Variants in NEGR1 observed in about 807,000 individuals in gnomAD.
The protein encoded by NEGR1 is neuronal growth regulator 1.
NEGR1 carries 10 observed loss-of-function variants against 40.9 expected under a neutral mutation model. The observed-to-expected ratio is 0.24, with a 90% confidence interval of 0.15 to 0.42. NEGR1 has a LOEUF of 0.42. Among genes scored for constraint, NEGR1 ranks in the 10% least tolerant of loss-of-function variants. The pLI, the probability that NEGR1 is intolerant of heterozygous loss-of-function variation, is 1.00. For missense variants in NEGR1, 352 were observed against 438.9 expected, an observed-to-expected ratio of 0.80 and a Z score of 1.77; for synonymous variants, 185 against 166.8, an observed-to-expected ratio of 1.11 and a Z score of -0.84.
chr1:71,494,221 C>G (rs539825863), intron 6 of NEGR1, among the ~76,000 whole-genome samples: 2 of 152,284 alleles, frequency 1.3e-5, no homozygotes, highest in Non-Finnish European at 2.9e-5. Flanking sequence ...CATGCTATAT[C>G]ACCTCTAATC....
At chr1:71,576,539 A>G (rs1234469602) in intron 6 of NEGR1, among the ~76,000 whole-genome samples, 1 of 152,174 alleles carries the variant, frequency 6.6e-6, no homozygotes, top group Non-Finnish European at 1.5e-5. Context: ...TTCTATATGG[A>G]CAAGGAAGGG....
chr1:72,027,603 C>A (rs1173823345), intron 1 of NEGR1, among the ~76,000 whole-genome samples: 14 of 152,046 alleles, frequency 9.2e-5, no homozygotes, highest in Non-Finnish European at 1.9e-4. Context: ...TAATTTGCAA[C>A]TTTTTATTAG....
At chr1:71,696,454 G>A (rs1014576242) in intron 4 of NEGR1, among the ~76,000 whole-genome samples, 4 of 151,592 alleles carry the variant, frequency 2.6e-5, no homozygotes, top group African/African-American at 9.7e-5. Flanking sequence ...GCTGGGCTGG[G>A]TGCCTTGTTT....
chr1:72,112,996 G>C (rs1024701206), intron 1 of NEGR1, among the ~76,000 whole-genome samples: 5 of 151,542 alleles, frequency 3.3e-5, no homozygotes, highest in African/African-American at 1.2e-4. Context: ...TTTTTGGCAA[G>C]AAGTCTCCGA....
intron 6 of NEGR1, among the ~76,000 whole-genome samples, chr1:71,427,522 A>G (rs866822857): frequency 7.8e-4 from 119 of 152,306 alleles, no homozygotes; most frequent in African/African-American, 2.8e-3. Flanking sequence ...TACTCTTTCT[A>G]TGAAGAGTTA....
intron 3 of NEGR1, among the ~76,000 whole-genome samples, chr1:71,773,285 C>T (rs1013040356): frequency 4.6e-5 from 7 of 152,204 alleles, no homozygotes; most frequent in Non-Finnish European, 1.0e-4. Context: ...CAGACACATA[C>T]AAAAACTAGC....
At chr1:72,051,697 C>T (rs987052231) in intron 1 of NEGR1, among the ~76,000 whole-genome samples, 1 of 151,312 alleles carries the variant, frequency 6.6e-6, no homozygotes, top group Non-Finnish European at 1.5e-5. Flanking sequence ...CATAGTTTTG[C>T]TGCTTTGGTG....
chr1:71,491,071 TG>T (rs989796045), intron 6 of NEGR1, among the ~76,000 whole-genome samples: 44 of 152,058 alleles, frequency 2.9e-4, no homozygotes, highest in African/African-American at 1.1e-3. Context: ...TTCATATTCT[TG>T]GGTTCTGAGT....
At chr1:72,140,119 T>G (rs1486937488) in intron 1 of NEGR1, among the ~76,000 whole-genome samples, 1 of 152,052 alleles carries the variant, frequency 6.6e-6, no homozygotes, top group Non-Finnish European at 1.5e-5. Flanking sequence ...ACAGAGAAAC[T>G]GGTTGAAGAG....
At chr1:71,466,390 C>T (rs1361297013) in intron 6 of NEGR1, among the ~76,000 whole-genome samples, 2 of 152,040 alleles carry the variant, frequency 1.3e-5, no homozygotes, top group Non-Finnish European at 2.9e-5. Context: ...ATTTACTTAA[C>T]AAAACACTCC....
At chr1:71,902,689 A>G (rs1448194511) in intron 2 of NEGR1, among the ~76,000 whole-genome samples, 1 of 152,104 alleles carries the variant, frequency 6.6e-6, no homozygotes, top group East Asian at 1.9e-4. Flanking sequence ...TTTCCTTTTC[A>G]TGCTCTAATT....
chr1:72,199,866 G>A (rs1653141378), intron 1 of NEGR1, among the ~76,000 whole-genome samples: 1 of 151,804 alleles, frequency 6.6e-6, no homozygotes, highest in African/African-American at 2.4e-5. Flanking sequence ...AATGGGCAAA[G>A]GACATGAACA....
rs944966546 is a variant in NEGR1 at position 72,091,150 on chromosome 1, G to A, written c.177-155839C>T. Among the ~76,000 whole-genome samples the A allele has an allele frequency of 8.5e-5, 13 of 152,190 alleles. No homozygotes were observed. In the South Asian group the frequency reaches 2.3e-3, roughly 27 times the overall value. ...TTAGACTCATTTTACTAGGGACTGG[G>A]GATGAGCATGAAGCTACTGCCTGTC... On this transcript the variant is annotated intron_variant, in intron 1 of 6. Transcript: ENST00000357731.
At chr1:71,802,619 A>G (rs960313816) in intron 2 of NEGR1, among the ~76,000 whole-genome samples, 1 of 152,160 alleles carries the variant, frequency 6.6e-6, no homozygotes, top group Non-Finnish European at 1.5e-5. Context: ...TATGGAAGGG[A>G]TGCTGCTGCC....
At chr1:71,990,913 TA>T (rs1160252921) in intron 1 of NEGR1, among the ~76,000 whole-genome samples, 274 of 119,552 alleles carry the variant, frequency 2.3e-3, no homozygotes, top group African/African-American at 7.8e-3. Context: ...CATATATATA[TA>T]TATATTTTTT....
chr1:71,680,253 A>G (rs1652793115), intron 4 of NEGR1, among the ~76,000 whole-genome samples: 1 of 152,060 alleles, frequency 6.6e-6, no homozygotes, highest in Non-Finnish European at 1.5e-5. Flanking sequence ...GCTTTAAATC[A>G]TATTTTTGGA....
intron 3 of NEGR1, among the ~76,000 whole-genome samples, chr1:71,732,522 G>A (rs1347770743): frequency 7.1e-6 from 1 of 141,280 alleles, no homozygotes; most frequent in African/African-American, 3.1e-5. Flanking sequence ...GTGTGTGTGC[G>A]CGCGCGCGCC....
intron 1 of NEGR1, among the ~76,000 whole-genome samples, chr1:72,141,540 G>C (rs530930529): frequency 6.6e-6 from 1 of 152,046 alleles, no homozygotes; most frequent in African/African-American, 2.4e-5. Flanking sequence ...TCAAATGGGA[G>C]CACCACTCAA....
chr1:71,878,317 C>T (rs1221240995), intron 2 of NEGR1, among the ~76,000 whole-genome samples: 1 of 152,102 alleles, frequency 6.6e-6, no homozygotes, highest in Non-Finnish European at 1.5e-5. Flanking sequence ...AGCAGTGATT[C>T]TTACACTTTG....
Sources: gnomAD v4.1 joint callset for allele counts (sites outside exome capture counted in the v4.1 genomes callset) on GRCh38, gnomAD v4.1.1 for gene constraint, MANE v1.5 for transcripts, NCBI Gene and HGNC (gene_info 2026-07-23, HGNC 2026-07-21) for gene names.